ZNF358: variants seen among roughly 807,000 people sequenced by gnomAD.
The protein encoded by ZNF358 is zinc finger protein 358.
In ZNF358, 1 loss-of-function variant was observed where a neutral mutation model predicts 2.1. That is an observed-to-expected ratio of 0.49 (90% CI 0.17 to 2.30). The LOEUF (loss-of-function observed/expected upper bound fraction) is 2.30, where lower values mean the gene tolerates loss of function less well. Ranked by LOEUF, ZNF358 falls within the 30% of genes most tolerant of loss-of-function variation. ZNF358 has a pLI of 0.26. For synonymous variants in ZNF358, 381 were observed against 359.7 expected (o/e 1.06, Z -0.67); for missense variants, 665 against 806.8 (o/e 0.82, Z 2.13).
At chr19:7,518,543 GAA>G (rs61017247) in intron 1 of ZNF358, among the ~76,000 whole-genome samples, 55 of 108,770 alleles carry the variant, frequency 5.1e-4, no homozygotes, top group African/African-American at 1.5e-3. Context: ...AAGAAAGAAA[GAA>G]AGAGAGAGAG....
chr19:7,520,724 T>C lies in ZNF358; in HGVS notation c.1482T>C (p.Ser494=), dbSNP rs778933084. 27 of 1,613,776 alleles carry C rather than the reference T, an allele frequency of 1.7e-5. No homozygotes were observed. Among genetic ancestry groups the C allele is most frequent in the Non-Finnish European group, 2.2e-5 (26 of 1,179,992 alleles). ...STPSPTPVES[S]DPKAGHDAGP... is the part of the protein sequence containing the mutation. Reference sequence around the variant, plus strand: ...CCAGCCCTACTCCTGTGGAATCTTCTGACCCAAAGGCTGGGCACGACGCTG... The same window carrying C: ...CCAGCCCTACTCCTGTGGAATCTTCCGACCCAAAGGCTGGGCACGACGCTG... The change falls in exon 2 of 2, where the codon TCT becomes TCC. Residue 494 remains serine, a synonymous_variant. Transcript: ENST00000597229. This position sits in a 1 kb window ranked among gnomAD's most constrained non-coding sequence, Gnocchi z 6.0.
At chr19:7,518,413 C>T (rs776186651) in intron 1 of ZNF358, among the ~76,000 whole-genome samples, 8 of 150,376 alleles carry the variant, frequency 5.3e-5, no homozygotes, top group Non-Finnish European at 1.2e-4. Context: ...GAGTTTGATA[C>T]CAGCCTGGGC....
rs376082453 is a variant in ZNF358, at chr19:7,519,312, T to C, written c.70T>C (p.Ser24Pro). 6 of 1,613,944 alleles carry C rather than the reference T, an allele frequency of 3.7e-6. No individual in the cohort carries two copies. The highest frequency in any genetic ancestry group is 5.1e-6 in the Non-Finnish European group (6 of 1,180,016). The change falls in exon 2 of 2, where the codon TCT (serine) becomes CCT (proline). Residue 24 changes from serine to proline, a missense_variant. By Grantham distance (74) the Ser-to-Pro change is moderately conservative. This residue lies in a region of ZNF358 where 206 missense variants were observed against 228.4 expected (regional missense o/e 0.90). Transcript: ENST00000597229. The stretch of plus-strand genomic sequence containing the variant: ...GAGACCCGTTTATGAAGAGCTCGAC[T>C]CTGACTCCGAGGACCTAGACCCCAA... ...GLRPVYEELD[S>P]DSEDLDPNPE...
chr19:7,516,339 C>T lies in ZNF358; in HGVS notation c.-39+90C>T, dbSNP rs1312514830. 1 of 148,698 alleles carries T rather than the reference C, an allele frequency of 6.7e-6. No homozygotes were observed. The highest frequency in any genetic ancestry group is 1.5e-5 in the Non-Finnish European group (1 of 66,246). The allele number at this position is 148,698 out of a possible 1,614,324, so 9.2% of individuals were successfully genotyped here. A position where few individuals can be genotyped will look rare whatever the true frequency, so the allele number is the denominator to read the frequency against. The stretch of plus-strand genomic sequence containing the variant: ...GGAGCTCCAGGCGCGGGGCGCAGCC[C>T]GGGGCGACCTCTAATCGTCCCCCGC... On this transcript the variant is annotated intron_variant, in intron 1 of 1. Coordinates refer to ENST00000597229, the MANE Select transcript of ZNF358 (RefSeq NM_018083.5). This position sits in a 1 kb window ranked among gnomAD's most constrained non-coding sequence, Gnocchi z 5.9.
chr19:7,518,003 C>T (rs1452305677), intron 1 of ZNF358, among the ~76,000 whole-genome samples: 1 of 152,228 alleles, frequency 6.6e-6, no homozygotes, highest in East Asian at 1.9e-4. Context: ...CTCAGGAGCA[C>T]AGAAACGCTG....
Position 7,516,483 on chromosome 19 carries a change from G to A in ZNF358, c.-39+234G>A, listed in dbSNP as rs2146007405. Reference sequence around the variant, plus strand: ...CCGCCGCTGGGGCCCGGGGGGAAAGGGCCAGGAGGTTGGGAGCCTTCAATC... The same window carrying A: ...CCGCCGCTGGGGCCCGGGGGGAAAGAGCCAGGAGGTTGGGAGCCTTCAATC... On this transcript the variant is annotated intron_variant, in intron 1 of 1. Transcript: ENST00000597229. This position sits in a 1 kb window ranked among gnomAD's most constrained non-coding sequence, Gnocchi z 5.9. Among the ~76,000 whole-genome samples the A allele has an allele frequency of 6.6e-6, 1 of 152,036 alleles. No individual in the cohort carries two copies. Among genetic ancestry groups the A allele is most frequent in the South Asian group, 2.1e-4 (1 of 4,826 alleles).
Position 7,520,250 on chromosome 19 carries a change from C to A in ZNF358, c.1008C>A (p.His336Gln). Residue 336 changes from histidine to glutamine, a missense_variant, in exon 2 of 2, where the codon CAC (histidine) becomes CAA (glutamine). By Grantham distance (24) the His-to-Gln change is conservative. Around this residue, in one of 3 missense-constraint regions of ZNF358, gnomAD observed 210 missense variants for 350.8 expected, o/e 0.60. Transcript: ENST00000597229. This position sits in a 1 kb window ranked among gnomAD's most constrained non-coding sequence, Gnocchi z 6.0. Reference protein sequence around the residue: ...KAFGQSSNLQHHLRIHTGERP... With the variant: ...KAFGQSSNLQQHLRIHTGERP... ...TCGGGCAGAGCTCCAACTTGCAACA[C>A]CACCTGCGCATCCACACGGGCGAGC... is the stretch of plus-strand genomic sequence containing the variant. 6.2e-7 allele frequency: 1 copy of A among 1,606,306 alleles called. No individual in the cohort carries two copies. Among genetic ancestry groups the A allele is most frequent in the Non-Finnish European group, 8.5e-7 (1 of 1,178,850 alleles).
At position 7,520,777 on chromosome 19, in the gene ZNF358, TTGATCCTGTGCCCAGCCCAGACCC is replaced by T. The variant is rs558919190; in HGVS notation, c.1554_1577del (p.Asp521_Pro528del). 1,156 of 1,613,628 alleles carry T rather than the reference TTGATCCTGTGCCCAGCCCAGACCC, an allele frequency of 7.2e-4. 8 individuals are homozygous for T. The African/African-American group carries it at 0.014, about 20-fold the overall frequency. ...CCCGACCTTGTGCCCAGCCCAGACCTTGATCCTGTGCCCAGCCCAGACCCTGATCCTGTGCCCAGCCCTGATCCC... is the reference window on the plus strand; with the variant it reads ...CCCGACCTTGTGCCCAGCCCAGACCTTGATCCTGTGCCCAGCCCTGATCCC... On this transcript the variant is annotated inframe_deletion, in exon 2 of 2. Transcript: ENST00000597229. This position sits in a 1 kb window ranked among gnomAD's most constrained non-coding sequence, Gnocchi z 6.0.
chr19:7,520,690 G>A lies in ZNF358; in HGVS notation c.1448G>A (p.Arg483Lys). The A allele has an allele frequency of 1.9e-6, 3 of 1,613,630 alleles. No homozygotes were observed. The highest frequency in any genetic ancestry group is 2.5e-6 in the Non-Finnish European group (3 of 1,179,876). The change falls in exon 2 of 2, where the codon AGA becomes AAA. Residue 483 changes from arginine (R) to lysine (K), a missense_variant. Physicochemically the swap from Arg to Lys is conservative, Grantham distance 26. Transcript: ENST00000597229. The surrounding 1 kb of genome is among the most constrained non-coding windows in gnomAD (Gnocchi z 6.0). ...AGCTCCAAACCCCTCCCCGGCTCCA[G>A]ATCCACCCCCAGCCCTACTCCTGTG... ...DPSSKPLPGSRSTPSPTPVES... is the reference protein window; with the variant it reads ...DPSSKPLPGSKSTPSPTPVES...
Position 7,518,559 on chromosome 19 carries a change from GAA to G in ZNF358, c.-38-644_-38-643del, listed in dbSNP as rs143376542. On this transcript the variant is annotated intron_variant, in intron 1 of 1. Coordinates refer to ENST00000597229, the MANE Select transcript of ZNF358 (RefSeq NM_018083.5). ...AGAAAGAAAGAAAGAGAGAGAGAGA[GAA>G]AGAAAGAAAGAAAGAAAGAAAGAAA... is the stretch of plus-strand genomic sequence containing the variant. Among the ~76,000 whole-genome samples, 192 of 129,806 alleles carry G rather than the reference GAA, an allele frequency of 1.5e-3. 2 individuals carry two copies. Among genetic ancestry groups the G allele is most frequent in the East Asian group, 4.9e-3 (20 of 4,046 alleles). 85.2% of individuals were successfully genotyped at this position (129,806 alleles called of 152,430 possible).
Position 7,519,675 on chromosome 19 carries a change from G to A in ZNF358, c.433G>A (p.Ala145Thr). Residue 145 changes from alanine (A) to threonine (T), a missense_variant, in exon 2 of 2, where the codon GCC (alanine) becomes ACC (threonine). By Grantham distance (58) the Ala-to-Thr change is moderately conservative. Around this residue, in one of 3 missense-constraint regions of ZNF358, gnomAD observed 206 missense variants for 228.4 expected, o/e 0.90. Coordinates refer to ENST00000597229, the MANE Select transcript of ZNF358 (RefSeq NM_018083.5). ...CAGCCCCGCGGTGCTCCCCGCCCCC[G>A]CCAGCCCGCCCCGGCCCTTCTCCTG... ...ATSPAVLPAP[A>T]SPPRPFSCPD... The A allele has an allele frequency of 1.9e-6, 2 of 1,055,272 alleles. No homozygotes were observed. The highest frequency in any genetic ancestry group is 1.3e-5 in the South Asian group (1 of 78,916). 65.4% of individuals were successfully genotyped at this position (1,055,272 alleles called of 1,614,324 possible). A position where few individuals can be genotyped will look rare whatever the true frequency, so the allele number is the denominator to read the frequency against.
chr19:7,518,992 G>A (rs1195357861), intron 1 of ZNF358, among the ~76,000 whole-genome samples: 3 of 150,396 alleles, frequency 2.0e-5, no homozygotes, highest in African/African-American at 4.9e-5. Context: ...TTGAACCTGG[G>A]AGGCGGAGGT....
chr19:7,519,754 G>A lies in ZNF358; in HGVS notation c.512G>A (p.Arg171His). 1 of 1,531,000 alleles carries A rather than the reference G, an allele frequency of 6.5e-7. No individual in the cohort carries two copies. The highest frequency in any genetic ancestry group is 8.7e-7 in the Non-Finnish European group (1 of 1,146,202). The allele number at this position is 1,531,000 out of a possible 1,614,324, so 94.8% of individuals were successfully genotyped here. ...AGCTCCGGGCTGAGCCAGCATCGCC[G>A]CACGCACAGCGGCGAGAAGCCGTAC... The part of the protein sequence containing the change: ...RRSSGLSQHR[R>H]THSGEKPYRC... The change falls in exon 2 of 2, where the codon CGC (arginine) becomes CAC (histidine). Residue 171 changes from arginine to histidine, a missense_variant. Around this residue, in one of 3 missense-constraint regions of ZNF358, gnomAD observed 210 missense variants for 350.8 expected, o/e 0.60. Transcript: ENST00000597229.
chr19:7,520,005 C>T lies in ZNF358; in HGVS notation c.763C>T (p.Arg255Cys), dbSNP rs774964469. Residue 255 changes from arginine to cysteine, a missense_variant, in exon 2 of 2, where the codon CGC becomes TGC. Physicochemically the swap from Arg to Cys is radical, Grantham distance 180 (BLOSUM62 -3). Coordinates refer to ENST00000597229, the MANE Select transcript of ZNF358 (RefSeq NM_018083.5). The surrounding 1 kb of genome is among the most constrained non-coding windows in gnomAD (Gnocchi z 6.0). ...GHGSLLAQHL[R>C]THGGPRPHKC... ...CGGCTCGCTCCTGGCACAGCACCTGCGCACGCACGGCGGCCCGCGGCCCCA... is the reference window on the plus strand; with the variant it reads ...CGGCTCGCTCCTGGCACAGCACCTGTGCACGCACGGCGGCCCGCGGCCCCA... The T allele has an allele frequency of 3.3e-6, 5 of 1,525,700 alleles. No homozygotes were observed. Among genetic ancestry groups the T allele is most frequent in the South Asian group, 2.4e-5 (2 of 82,994 alleles). 94.5% of individuals were successfully genotyped at this position (1,525,700 alleles called of 1,614,324 possible).
chr19:7,518,545 A>AAGAG lies in ZNF358; in HGVS notation c.-38-648_-38-645dup, dbSNP rs58248587. 1.3e-3 allele frequency among the ~76,000 whole-genome samples: 143 copies of AAGAG among 109,442 alleles called. 1 individual carries two copies. Among genetic ancestry groups the AAGAG allele is most frequent in the African/African-American group, 1.6e-3 (44 of 28,274 alleles). 71.8% of individuals were successfully genotyped at this position (109,442 alleles called of 152,430 possible). On this transcript the variant is annotated intron_variant, in intron 1 of 1. Coordinates refer to ENST00000597229, the MANE Select transcript of ZNF358 (RefSeq NM_018083.5). ...AAGGAAGGAAGGAAAGAAAGAAAGA[A>AAGAG]AGAGAGAGAGAGAGAAAGAAAGAAA...
rs2146015058 is a variant in ZNF358, at chr19:7,520,310, C to T, written c.1068C>T (p.Phe356=). The T allele has an allele frequency of 4.3e-6, 7 of 1,611,524 alleles. No individual in the cohort carries two copies. The highest frequency in any genetic ancestry group is 5.9e-6 in the Non-Finnish European group (7 of 1,179,666). ...CCTGCCCGCACTGCTCCAAGGCCTT[C>T]GGCCAGAGCTCAGCGCTGCTCCAGC... ...PYACPHCSKA[F]GQSSALLQHL... Residue 356 remains phenylalanine, a synonymous_variant, in exon 2 of 2, where the codon TTC becomes TTT. Transcript: ENST00000597229. This position sits in a 1 kb window ranked among gnomAD's most constrained non-coding sequence, Gnocchi z 6.0.
In ZNF358 at chr19:7,520,666, G is replaced by T. The variant is rs367880407; in HGVS notation, c.1424G>T (p.Ser475Ile). Reference sequence around the variant, plus strand: ...GGGCCGGGCACTCTGCCGGATCCCAGCTCCAAACCCCTCCCCGGCTCCAGA... The same window carrying T: ...GGGCCGGGCACTCTGCCGGATCCCATCTCCAAACCCCTCCCCGGCTCCAGA... Reference protein sequence around the residue: ...GSGPGTLPDPSSKPLPGSRST... With the variant: ...GSGPGTLPDPISKPLPGSRST... Residue 475 changes from serine to isoleucine, a missense_variant, in exon 2 of 2, where the codon AGC (serine) becomes ATC (isoleucine). Coordinates refer to ENST00000597229, the MANE Select transcript of ZNF358 (RefSeq NM_018083.5). The surrounding 1 kb of genome is among the most constrained non-coding windows in gnomAD (Gnocchi z 6.0). 6 of 1,607,796 alleles carry T rather than the reference G, an allele frequency of 3.7e-6. No individual in the cohort carries two copies. The highest frequency in any genetic ancestry group is 5.1e-6 in the Non-Finnish European group (6 of 1,176,712).
chr19:7,518,929 G>T (rs911016481), intron 1 of ZNF358, among the ~76,000 whole-genome samples: 1 of 151,986 alleles, frequency 6.6e-6, no homozygotes, highest in African/African-American at 2.4e-5. Flanking sequence ...GCCAGGCATG[G>T]TGGTGGACAC....
At chr19:7,518,547 G>GAAAGAA (rs3029867) in intron 1 of ZNF358, among the ~76,000 whole-genome samples, 51 of 135,384 alleles carry the variant, frequency 3.8e-4, no homozygotes, top group East Asian at 3.1e-3. Context: ...AAGAAAGAAA[G>GAAAGAA]AGAGAGAGAG....
Sources: allele counts gnomAD v4.1 joint callset (sites outside exome capture counted in the v4.1 genomes callset), GRCh38; gene constraint gnomAD v4.1.1; regional missense constraint gnomAD v4.1.1; non-coding constraint Gnocchi (gnomAD v3.1); transcripts MANE v1.5; gene names NCBI Gene and HGNC (gene_info 2026-07-23, HGNC 2026-07-21).